Variants in PAK1IP1 observed in about 807,000 individuals in gnomAD.
PAK1IP1 encodes p21-activated protein kinase-interacting protein 1.
PAK1IP1 carries 24 observed loss-of-function variants against 42.0 expected under a neutral mutation model. That is an observed-to-expected ratio of 0.57 (90% confidence interval 0.41 to 0.80). The LOEUF (loss-of-function observed/expected upper bound fraction) is 0.80, where lower values mean the gene tolerates loss of function less well. Among genes scored for constraint, PAK1IP1 ranks in the 30% least tolerant of loss-of-function variants. PAK1IP1 has a pLI of 0.00. For missense variants in PAK1IP1, 411 were observed against 467.9 expected (o/e 0.88, Z 1.12); for synonymous variants, 154 against 156.7 (o/e 0.98, Z 0.13).
chr6:10,694,607 G>T (rs975601774), upstream of PAK1IP1: 2 of 197,422 alleles, frequency 1.0e-5, no homozygotes, highest in Non-Finnish European at 2.2e-5. Context: ...TAAGCAACCG[G>T]CCGGAAGTCG....
chr6:10,707,459 T>C lies in PAK1IP1; in HGVS notation c.785T>C (p.Ile262Thr). 2.5e-6 allele frequency: 4 copies of C among 1,612,046 alleles called. No individual in the cohort carries two copies. Among genetic ancestry groups the C allele is most frequent in the Non-Finnish European group, 2.5e-6 (3 of 1,178,096 alleles). ...FSFEIPEHHV[I>T]VSASSDGFIK... is the part of the protein sequence containing the mutation. ...TTTGAAATTCCAGAGCATCATGTTA[T>C]TGTTTCAGCATCGAGTGATGGTTTC... The change falls in exon 8 of 10, where the codon ATT (isoleucine) becomes ACT (threonine). Residue 262 changes from isoleucine (I) to threonine (T), a missense_variant. Coordinates refer to ENST00000379568, the MANE Select transcript of PAK1IP1 (RefSeq NM_017906.3).
chr6:10,691,260 G>A (rs1207053180), upstream of PAK1IP1, among the ~76,000 whole-genome samples: 1 of 152,198 alleles, frequency 6.6e-6, no homozygotes, highest in Non-Finnish European at 1.5e-5. Flanking sequence ...TAAGAAAGAA[G>A]GGCTTTATTC....
chr6:10,701,417 A>G (rs375116010), intron 2 of PAK1IP1, among the ~76,000 whole-genome samples: 1 of 152,198 alleles, frequency 6.6e-6, no homozygotes, highest in African/African-American at 2.4e-5. Flanking sequence ...TGCTGGGGAT[A>G]ATGGCTTCCA....
At position 10,709,477 on chromosome 6, in the gene PAK1IP1, T is replaced by G. The variant is rs1374995910; in HGVS notation, c.*25T>G. On this transcript the variant is annotated 3_prime_UTR_variant, in exon 10 of 10. Transcript: ENST00000379568. Reference sequence around the variant, plus strand: ...AATCACAGATGTCTCCTGAAAGAACTCTTTTAGATGAAATCATTCTACTCA... The same window carrying G: ...AATCACAGATGTCTCCTGAAAGAACGCTTTTAGATGAAATCATTCTACTCA... 6.7e-7 allele frequency: 1 copy of G among 1,502,032 alleles called. No individual in the cohort carries two copies. Among genetic ancestry groups the G allele is most frequent in the South Asian group, 1.2e-5 (1 of 83,652 alleles). 93.0% of individuals were successfully genotyped at this position (1,502,032 alleles called of 1,614,324 possible).
intron 9 of PAK1IP1, 77 bp from the exon 10 acceptor site, chr6:10,709,161 T>G: frequency 6.6e-7 from 1 of 1,510,450 alleles, no homozygotes; most frequent in South Asian, 1.2e-5. Context: ...ATAATTTCAC[T>G]TTATTGACAG....
Position 10,709,325 on chromosome 6 carries a change from A to T in PAK1IP1, c.1052A>T (p.Lys351Ile). The change falls in exon 10 of 10, where the codon AAA becomes ATA. Residue 351 changes from lysine to isoleucine, a missense_variant. Transcript: ENST00000379568. ...EEKRSKPNTK[K>I]RGLTGDSKKA... ...AAGCGGTCAAAACCTAACACAAAGA[A>T]ACGCGGTTTAACAGGTGACAGTAAG... The T allele has an allele frequency of 1.9e-6, 3 of 1,614,116 alleles. No homozygotes were observed. The South Asian group carries it at 3.3e-5, about 18-fold the overall frequency.
At chr6:10,704,682 T>C (rs1306127295) in intron 6 of PAK1IP1, 30 bp downstream of exon 6, 1 of 1,607,590 alleles carries the variant, frequency 6.2e-7, no homozygotes, top group East Asian at 2.2e-5. Flanking sequence ...TGACCAAAGT[T>C]TGTGGTGATG....
At chr6:10,691,381 G>C (rs1028622665), upstream of PAK1IP1, among the ~76,000 whole-genome samples, 3 of 151,990 alleles carry the variant, frequency 2.0e-5, no homozygotes, top group African/African-American at 7.3e-5. Flanking sequence ...TGAGAGGGTC[G>C]TGATTGACTG....
At position 10,708,827 on chromosome 6, in the gene PAK1IP1, A is replaced by G. The variant is rs1770287860; in HGVS notation, c.841-126A>G. 7 of 768,572 alleles carry G rather than the reference A, an allele frequency of 9.1e-6. No individual in the cohort carries two copies. The South Asian group carries it at 1.1e-4, about 12-fold the overall frequency. The allele number at this position is 768,572 out of a possible 1,614,324, so 47.6% of individuals were successfully genotyped here. A position where few individuals can be genotyped will look rare whatever the true frequency, so the allele number is the denominator to read the frequency against. On this transcript the variant is annotated intron_variant, in intron 8 of 9. Coordinates refer to ENST00000379568, the MANE Select transcript of PAK1IP1 (RefSeq NM_017906.3). ...CAAACTAATCATGAGTGAAGATTAT[A>G]TGTTGCTTCTGAATATCATATTTTG... is the stretch of plus-strand genomic sequence containing the variant.
chr6:10,695,066 C>A lies in PAK1IP1; in HGVS notation c.81C>A (p.His27Gln). The change falls in exon 1 of 10, where the codon CAC becomes CAA. Residue 27 changes from histidine (H) to glutamine (Q), a missense_variant. Transcript: ENST00000379568. ...VHPEPEACGD[H>Q]EQWTLVADFT... is the part of the protein sequence containing the mutation. ...CGGAGCCCGAGGCTTGCGGCGACCACGAGGTGAGATACCGCGTAGTTAGAG... is the reference window on the plus strand; with the variant it reads ...CGGAGCCCGAGGCTTGCGGCGACCAAGAGGTGAGATACCGCGTAGTTAGAG... 7.5e-6 allele frequency: 12 copies of A among 1,592,020 alleles called. No homozygotes were observed. The highest frequency in any genetic ancestry group is 1.0e-5 in the Non-Finnish European group (12 of 1,171,518).
rs1770323515 is a variant in PAK1IP1 at position 10,709,666 on chromosome 6, ATGT to A, written c.*217_*219del. 3.0e-6 allele frequency: 1 copy of A among 328,644 alleles called. No individual in the cohort carries two copies. The highest frequency in any genetic ancestry group is 5.2e-5 in the East Asian group (1 of 19,380). The allele number at this position is 328,644 out of a possible 1,614,324, so 20.4% of individuals were successfully genotyped here. A position where few individuals can be genotyped will look rare whatever the true frequency, so the allele number is the denominator to read the frequency against. The stretch of plus-strand genomic sequence containing the variant: ...GACAGTGTTTTATGAATTATGTATC[ATGT>A]TGATATATAATATGTTAATGTGTCA... On this transcript the variant is annotated 3_prime_UTR_variant, in exon 10 of 10. Coordinates refer to ENST00000379568, the MANE Select transcript of PAK1IP1 (RefSeq NM_017906.3).
upstream of PAK1IP1, chr6:10,694,584 G>C (rs752989498): frequency 1.2e-4 from 21 of 171,912 alleles, no homozygotes; most frequent in Non-Finnish European, 1.9e-4. Context: ...CACGCTGCCG[G>C]CGCTACAGCC....
At chr6:10,703,810 G>A (rs1356686139) in intron 5 of PAK1IP1, among the ~76,000 whole-genome samples, 1 of 152,126 alleles carries the variant, frequency 6.6e-6, no homozygotes, top group African/African-American at 2.4e-5. Context: ...TACTCAACCT[G>A]TATATTTTAC....
rs750472859 is a variant in PAK1IP1 at position 10,704,806 on chromosome 6, A to G, written c.702A>G (p.Ser234=). The change falls in exon 7 of 10, where the codon TCA becomes TCG. Residue 234 remains serine, a synonymous_variant. Coordinates refer to ENST00000379568, the MANE Select transcript of PAK1IP1 (RefSeq NM_017906.3). ...TTATAAGGTTTTTTGACTGTGATTC[A>G]CTAGTGTGCCTCTGCGAATTTAAAG... ...EEVIRFFDCD[S]LVCLCEFKAH... 6.2e-7 allele frequency: 1 copy of G among 1,613,474 alleles called. No individual in the cohort carries two copies. The highest frequency in any genetic ancestry group is 8.5e-7 in the Non-Finnish European group (1 of 1,179,400).
intron 7 of PAK1IP1, among the ~76,000 whole-genome samples, chr6:10,705,994 T>C (rs1770191561): frequency 6.6e-6 from 1 of 152,198 alleles, no homozygotes; most frequent in Non-Finnish European, 1.5e-5. Flanking sequence ...TTAACAAGTA[T>C]TCATTGAGCA....
At chr6:10,694,260 C>CAAAAAAAAAAAA (rs57435593), upstream of PAK1IP1, among the ~76,000 whole-genome samples, 16 of 62,474 alleles carry the variant, frequency 2.6e-4, no homozygotes, top group African/African-American at 7.7e-4. Context: ...AACTCCGTCT[C>CAAAAAAAAAAAA]AAAAAAAAAA....
upstream of PAK1IP1, among the ~76,000 whole-genome samples, chr6:10,692,848 G>A (rs1769465248): frequency 6.6e-6 from 1 of 152,188 alleles, no homozygotes; most frequent in Admixed American, 6.5e-5. Flanking sequence ...AAGAGTGAAT[G>A]AATACAAGGA....
chr6:10,693,730 A>G (rs1022682512), upstream of PAK1IP1, among the ~76,000 whole-genome samples: 7 of 151,886 alleles, frequency 4.6e-5, no homozygotes, highest in Non-Finnish European at 8.8e-5. Context: ...CTTATTAAAT[A>G]AAACTTTTTT....
At chr6:10,692,011 T>G (rs1226943692), upstream of PAK1IP1, among the ~76,000 whole-genome samples, 1 of 152,186 alleles carries the variant, frequency 6.6e-6, no homozygotes, top group African/African-American at 2.4e-5. Context: ...TTTATGGTGA[T>G]AAGCTAAAAT....
Sources: gnomAD v4.1 joint callset for allele counts (sites outside exome capture counted in the v4.1 genomes callset) on GRCh38, gnomAD v4.1.1 for gene constraint, MANE v1.5 for transcripts, NCBI Gene and HGNC (gene_info 2026-07-23, HGNC 2026-07-21) for gene names.